Variants in TOM1L2 observed in about 807,000 individuals in gnomAD.
TOM1L2 encodes the protein TOM1-like protein 2.
In TOM1L2, 31 loss-of-function variants were observed where a neutral mutation model predicts 67.9. The observed-to-expected ratio is 0.46, with a 90% CI of 0.34 to 0.62. TOM1L2 has a LOEUF of 0.62. Among genes scored for constraint, TOM1L2 ranks in the 20% least tolerant of loss-of-function variants. The pLI is 0.01. For synonymous variants in TOM1L2, 256 were observed against 254.0 expected (o/e 1.01, Z -0.07); for missense variants, 606 against 663.5 (o/e 0.91, Z 0.95).
At position 17,847,484 on chromosome 17, in the gene TOM1L2, G is replaced by A. The variant is rs2035707055; in HGVS notation, c.*151C>T. On this transcript the variant is annotated 3_prime_UTR_variant, in exon 15 of 15. Coordinates refer to ENST00000379504, the MANE Select transcript of TOM1L2 (RefSeq NM_001082968.2). ...AAGTGGCTGAAGCTGGTCCTGACTAGTGGGAGGCCTGGGAGCAGACACGGT... is the reference window on the plus strand; with the variant it reads ...AAGTGGCTGAAGCTGGTCCTGACTAATGGGAGGCCTGGGAGCAGACACGGT... 2.9e-6 allele frequency: 3 copies of A among 1,038,598 alleles called. No individual in the cohort carries two copies. The highest frequency in any genetic ancestry group is 3.3e-5 in the South Asian group (2 of 60,914). 64.3% of individuals were successfully genotyped at this position (1,038,598 alleles called of 1,614,324 possible). A position where few individuals can be genotyped will look rare whatever the true frequency, so the allele number is the denominator to read the frequency against.
chr17:17,905,661 C>T (rs531467613), intron 2 of TOM1L2, among the ~76,000 whole-genome samples: 1 of 152,336 alleles, frequency 6.6e-6, no homozygotes, highest in East Asian at 1.9e-4. Flanking sequence ...GCCTCAGCCT[C>T]GTACAGTGCT....
At chr17:17,926,144 C>A (rs1256394707) in intron 1 of TOM1L2, among the ~76,000 whole-genome samples, 3 of 150,178 alleles carry the variant, frequency 2.0e-5, no homozygotes, top group African/African-American at 7.4e-5. Context: ...GTATTCTAGC[C>A]TGGGGGACAG....
intron 3 of TOM1L2, among the ~76,000 whole-genome samples, chr17:17,894,435 C>G (rs1188071284): frequency 2.0e-5 from 3 of 152,204 alleles, no homozygotes; most frequent in African/African-American, 7.2e-5. Flanking sequence ...TCTGGGAAAA[C>G]AAGTGACACA....
At chr17:17,935,911 A>G (rs915210376) in intron 1 of TOM1L2, among the ~76,000 whole-genome samples, 11 of 152,168 alleles carry the variant, frequency 7.2e-5, no homozygotes, top group African/African-American at 2.4e-4. Context: ...TGCCTTGTGC[A>G]ACAGTCTGAA....
Position 17,850,955 on chromosome 17 carries a change from A to G in TOM1L2, c.1279-3T>C, listed in dbSNP as rs1439941558. On this transcript the variant is annotated splice_region_variant and splice_polypyrimidine_tract_variant and intron_variant, in intron 12 of 14. Coordinates refer to ENST00000379504, the MANE Select transcript of TOM1L2 (RefSeq NM_001082968.2). ...ACAGATGGCTGCGCAACGGGGATCTATGGAGGCGGCAAGCAGCGGGCCAGG... is the reference window on the plus strand; with the variant it reads ...ACAGATGGCTGCGCAACGGGGATCTGTGGAGGCGGCAAGCAGCGGGCCAGG... 1.9e-6 allele frequency: 3 copies of G among 1,613,802 alleles called. No homozygotes were observed. Among genetic ancestry groups the G allele is most frequent in the Admixed American group, 3.3e-5 (2 of 60,026 alleles).
At chr17:17,872,441 GA>G (rs1320203519) in intron 7 of TOM1L2, among the ~76,000 whole-genome samples, 1 of 152,022 alleles carries the variant, frequency 6.6e-6, no homozygotes, top group African/African-American at 2.4e-5. Context: ...CTTCCTAAAA[GA>G]AAAAAAGGAT....
At chr17:17,963,305 C>T (rs1212157079) in intron 1 of TOM1L2, among the ~76,000 whole-genome samples, 1 of 152,192 alleles carries the variant, frequency 6.6e-6, no homozygotes, top group African/African-American at 2.4e-5. Flanking sequence ...AATGGGAATC[C>T]ACATTCCTAT....
chr17:17,944,797 A>G (rs887609939), intron 1 of TOM1L2, among the ~76,000 whole-genome samples: 30 of 152,358 alleles, frequency 2.0e-4, no homozygotes, highest in African/African-American at 6.0e-4. Flanking sequence ...TGTGCTCTCC[A>G]TATTAAATGC....
At chr17:17,850,368 T>C (rs77181590) in intron 13 of TOM1L2, among the ~76,000 whole-genome samples, 265 of 152,044 alleles carry the variant, frequency 1.7e-3, no homozygotes, top group African/African-American at 6.2e-3. Flanking sequence ...TCTCTGAGGA[T>C]GGAGACAATG....
intron 2 of TOM1L2, among the ~76,000 whole-genome samples, chr17:17,906,181 T>C (rs1399054246): frequency 6.6e-6 from 1 of 150,548 alleles, no homozygotes; most frequent in Non-Finnish European, 1.5e-5. Flanking sequence ...AAAACTGGAG[T>C]ACAGTGGCAT....
intron 1 of TOM1L2, among the ~76,000 whole-genome samples, chr17:17,923,588 C>A (rs2039967322): frequency 6.6e-6 from 1 of 151,148 alleles, no homozygotes; most frequent in Non-Finnish European, 1.5e-5. Context: ...TACTCCAGAG[C>A]CTGAGGCAGG....
At chr17:17,862,678 TG>T in intron 11 of TOM1L2, 52 bp downstream of exon 11, 2 of 1,467,632 alleles carry the variant, frequency 1.4e-6, no homozygotes, top group Non-Finnish European at 1.9e-6. Flanking sequence ...TGACCAGGCA[TG>T]GGTCAATCCC....
chr17:17,947,990 GGAAAA>G (rs1356618467), intron 1 of TOM1L2, among the ~76,000 whole-genome samples: 1 of 151,972 alleles, frequency 6.6e-6, no homozygotes, highest in Admixed American at 6.6e-5. Context: ...TTTTGATGGA[GGAAAA>G]GAAAATTAAT....
chr17:17,891,971 C>T (rs1234306595), intron 4 of TOM1L2, among the ~76,000 whole-genome samples: 1 of 152,164 alleles, frequency 6.6e-6, no homozygotes, highest in Non-Finnish European at 1.5e-5. Flanking sequence ...ACCCGCTCTA[C>T]ACATTACACT....
chr17:17,883,903 C>CT (rs2037857505), intron 5 of TOM1L2, among the ~76,000 whole-genome samples: 2 of 152,170 alleles, frequency 1.3e-5, no homozygotes, highest in African/African-American at 4.8e-5. Flanking sequence ...GATGAGGTGC[C>CT]TCTCCCAGAC....
chr17:17,864,666 C>G (rs1205784871), intron 10 of TOM1L2, among the ~76,000 whole-genome samples: 1 of 152,122 alleles, frequency 6.6e-6, no homozygotes, highest in Non-Finnish European at 1.5e-5. Flanking sequence ...CACACACCAC[C>G]ATGCCCAGCT....
rs1034144983 is a variant in TOM1L2 at position 17,861,349 on chromosome 17, C to G, written c.1278+127G>C. ...GTTCCACGGGGTGTCCCCCGTGGGT[C>G]TCTCCCCCAGGGTGTCCCTGCCCCC... is the stretch of plus-strand genomic sequence containing the variant. On this transcript the variant is annotated intron_variant, in intron 12 of 14. Transcript: ENST00000379504. 9.8e-6 allele frequency: 8 copies of G among 818,844 alleles called. No individual in the cohort carries two copies. In the African/African-American group the frequency reaches 1.4e-4, roughly 14 times the overall value. 50.7% of individuals were successfully genotyped at this position (818,844 alleles called of 1,614,324 possible).
intron 3 of TOM1L2, among the ~76,000 whole-genome samples, chr17:17,897,991 T>C (rs1476429475): frequency 1.3e-5 from 2 of 150,336 alleles, no homozygotes; most frequent in African/African-American, 4.9e-5. Context: ...AGTGGTGCGA[T>C]CTCAGCTCAC....
chr17:17,848,419 T>C (rs2035770026), intron 14 of TOM1L2, among the ~76,000 whole-genome samples: 1 of 152,160 alleles, frequency 6.6e-6, no homozygotes, highest in Non-Finnish European at 1.5e-5. Flanking sequence ...AAGACCCCGC[T>C]GCTCCCATCC....
Sources: allele counts gnomAD v4.1 joint callset (sites outside exome capture counted in the v4.1 genomes callset), GRCh38; gene constraint gnomAD v4.1.1; transcripts MANE v1.5; gene names NCBI Gene and HGNC (gene_info 2026-07-23, HGNC 2026-07-21).